Variants in STEAP1B observed in about 807,000 individuals in gnomAD.
STEAP1B encodes STEAP family member 1B, also known as STEAP family protein MGC87042.
A neutral mutation model predicts 27.9 loss-of-function variants in STEAP1B; 13 were observed. That is an observed-to-expected ratio of 0.47 (90% CI 0.30 to 0.74). STEAP1B has a LOEUF of 0.74. Ranked by LOEUF, STEAP1B falls within the 30% of genes least tolerant of loss-of-function variation. The pLI, the probability that STEAP1B is intolerant of heterozygous loss-of-function variation, is 0.06. For missense variants in STEAP1B, 250 were observed against 298.7 expected, an observed-to-expected ratio of 0.84 and a Z score of 1.20; for synonymous variants, 86 against 107.1, an observed-to-expected ratio of 0.80 and a Z score of 1.22.
intron 4 of STEAP1B, among the ~76,000 whole-genome samples, chr7:22,424,087 A>G (rs1252887787): frequency 6.6e-6 from 1 of 152,190 alleles, no homozygotes; most frequent in African/African-American, 2.4e-5. Flanking sequence ...TACCTAAATA[A>G]CATTGTTAAA....
At position 22,422,516 on chromosome 7, in the gene STEAP1B, A is replaced by G. The variant is rs1169283918; in HGVS notation, c.763-2680T>C. Reference sequence around the variant, plus strand: ...GTAATTTTTTTTTTTTTTTTGAGATAGAGTTTCACTCTTATTGCCCAGGCT... The same window carrying G: ...GTAATTTTTTTTTTTTTTTTGAGATGGAGTTTCACTCTTATTGCCCAGGCT... On this transcript the variant is annotated intron_variant, in intron 4 of 4. Transcript: ENST00000678116. Among the ~76,000 whole-genome samples the G allele has an allele frequency of 2.0e-5, 3 of 149,240 alleles. No individual in the cohort carries two copies. The East Asian group carries it at 5.8e-4, about 29-fold the overall frequency.
In STEAP1B at chr7:22,472,604, G is replaced by A. The variant is rs369452190; in HGVS notation, c.762+19961C>T. Among the ~76,000 whole-genome samples, 20 of 152,280 alleles carry A rather than the reference G, an allele frequency of 1.3e-4. No homozygotes were observed. In the South Asian group the frequency reaches 2.5e-3, roughly 19 times the overall value. ...TAAAAAATAAACCGTCCTTTCACAC[G>A]TTGCTCTAAACCAGAATTTCCTGAC... On this transcript the variant is annotated intron_variant, in intron 4 of 4. Transcript: ENST00000678116.
chr7:22,483,135 G>A (rs1394822773), intron 4 of STEAP1B, among the ~76,000 whole-genome samples: 3 of 152,126 alleles, frequency 2.0e-5, no homozygotes, highest in East Asian at 1.9e-4. Flanking sequence ...TTTGGCCCAC[G>A]TCACCTTCTT....
chr7:22,481,509 G>C (rs1483370389), intron 4 of STEAP1B, among the ~76,000 whole-genome samples: 1 of 152,194 alleles, frequency 6.6e-6, no homozygotes, highest in Non-Finnish European at 1.5e-5. Context: ...CATCACCTGA[G>C]AGCTGTCAGA....
intron 4 of STEAP1B, among the ~76,000 whole-genome samples, chr7:22,471,888 G>A (rs1002859196): frequency 6.5e-5 from 6 of 91,904 alleles, no homozygotes; most frequent in African/African-American, 2.8e-4. Flanking sequence ...GGGCAAACCT[G>A]TCTCCAAAAA....
intron 4 of STEAP1B, among the ~76,000 whole-genome samples, chr7:22,454,729 G>A (rs1785544090): frequency 7.1e-6 from 1 of 141,410 alleles, no homozygotes; most frequent in South Asian, 2.3e-4. Flanking sequence ...AGCCTGGGGA[G>A]TAAGCACAGC....
At chr7:22,484,637 C>G (rs1226765346) in intron 4 of STEAP1B, among the ~76,000 whole-genome samples, 1 of 152,204 alleles carries the variant, frequency 6.6e-6, no homozygotes, top group Non-Finnish European at 1.5e-5. Flanking sequence ...GGAGTCATTT[C>G]AACTTTCAAG....
chr7:22,480,325 A>G (rs374580972), intron 4 of STEAP1B, among the ~76,000 whole-genome samples: 2 of 152,194 alleles, frequency 1.3e-5, no homozygotes, highest in East Asian at 3.8e-4. Context: ...GAAAGCTTTA[A>G]GTGATTTGCT....
chr7:22,460,804 C>T (rs1025420905), intron 4 of STEAP1B, among the ~76,000 whole-genome samples: 1 of 152,184 alleles, frequency 6.6e-6, no homozygotes, highest in East Asian at 1.9e-4. Flanking sequence ...CAGTGACCCT[C>T]CTGTGCCCTC....
At chr7:22,489,772 G>C (rs992394891) in intron 4 of STEAP1B, among the ~76,000 whole-genome samples, 4 of 152,144 alleles carry the variant, frequency 2.6e-5, no homozygotes, top group African/African-American at 9.7e-5. Context: ...ATGAAGTTTA[G>C]AGCAGTTTTT....
intron 4 of STEAP1B, among the ~76,000 whole-genome samples, chr7:22,430,881 T>C (rs1258722189): frequency 1.3e-5 from 2 of 152,226 alleles, no homozygotes; most frequent in Admixed American, 1.3e-4. Context: ...ACAACAGACA[T>C]GGAACCCTTG....
At chr7:22,434,391 C>A (rs1268749792) in intron 4 of STEAP1B, among the ~76,000 whole-genome samples, 1 of 152,152 alleles carries the variant, frequency 6.6e-6, no homozygotes, top group Non-Finnish European at 1.5e-5. Context: ...CACATGGGCC[C>A]CATAGAGGGC....
chr7:22,454,572 G>C (rs1050021208), intron 4 of STEAP1B, among the ~76,000 whole-genome samples: 1 of 152,030 alleles, frequency 6.6e-6, no homozygotes, highest in African/African-American at 2.4e-5. Flanking sequence ...GCTGAGAACT[G>C]GAGAAGCCCC....
chr7:22,482,343 C>A (rs150172876), intron 4 of STEAP1B, among the ~76,000 whole-genome samples: 66 of 152,258 alleles, frequency 4.3e-4, no homozygotes, highest in African/African-American at 1.5e-3. Context: ...TTTTAGATAA[C>A]CAACGAATAA....
At chr7:22,484,287 T>C (rs1318509153) in intron 4 of STEAP1B, among the ~76,000 whole-genome samples, 2 of 152,224 alleles carry the variant, frequency 1.3e-5, no homozygotes, top group Non-Finnish European at 2.9e-5. Flanking sequence ...TGTTAGGGGT[T>C]AATGCAGCTG....
At chr7:22,460,395 A>G (rs1239878634) in intron 4 of STEAP1B, among the ~76,000 whole-genome samples, 1 of 151,526 alleles carries the variant, frequency 6.6e-6, no homozygotes. Context: ...ACTGAGGGAG[A>G]GCATTCAAGG....
chr7:22,459,681 G>A (rs947147921), intron 4 of STEAP1B, among the ~76,000 whole-genome samples: 21 of 152,154 alleles, frequency 1.4e-4, no homozygotes, highest in African/African-American at 5.1e-4. Context: ...CCAGTATTAT[G>A]TTGGGCCATT....
At chr7:22,426,593 G>A (rs1785110667) in intron 4 of STEAP1B, among the ~76,000 whole-genome samples, 1 of 152,206 alleles carries the variant, frequency 6.6e-6, no homozygotes, top group South Asian at 2.1e-4. Context: ...GAACAAAACT[G>A]TCACATGGGG....
At chr7:22,432,740 C>T (rs1461198200) in intron 4 of STEAP1B, among the ~76,000 whole-genome samples, 1 of 152,146 alleles carries the variant, frequency 6.6e-6, no homozygotes, top group East Asian at 1.9e-4. Context: ...TTGACTAGTA[C>T]AATACCTGAA....
Sources: allele counts gnomAD v4.1 joint callset (sites outside exome capture counted in the v4.1 genomes callset), GRCh38; gene constraint gnomAD v4.1.1; transcripts MANE v1.5; gene names NCBI Gene and HGNC (gene_info 2026-07-23, HGNC 2026-07-21).